Variants in MEGF9 observed in about 807,000 individuals in gnomAD.
MEGF9 encodes multiple EGF like domains 9, also known as multiple epidermal growth factor-like domains protein 9.
Under a neutral mutation model 46.8 loss-of-function variants are expected in MEGF9, and 6 were observed. The ratio of observed to expected loss-of-function variants is 0.13; its 90% CI spans 0.07 to 0.25. The LOEUF is 0.25. MEGF9 is among the 10% of genes least tolerant of loss of function. The pLI is 1.00. For missense variants in MEGF9, 683 were observed against 792.4 expected, an observed-to-expected ratio of 0.86 and a Z score of 1.66; for synonymous variants, 302 against 330.7, an observed-to-expected ratio of 0.91 and a Z score of 0.94.
chr9:120,712,829 A>G (rs980710306), intron 1 of MEGF9, among the ~76,000 whole-genome samples: 4 of 152,234 alleles, frequency 2.6e-5, no homozygotes, highest in Non-Finnish European at 5.9e-5. Context: ...GTTCTGACAA[A>G]GTAGGCTTTT....
intron 1 of MEGF9, among the ~76,000 whole-genome samples, chr9:120,670,078 T>A (rs2132327599): frequency 6.6e-6 from 1 of 152,294 alleles, no homozygotes; most frequent in Admixed American, 6.5e-5. Flanking sequence ...GATCATGTAC[T>A]CAAATACTTT....
chr9:120,694,065 T>C (rs1030633299), intron 1 of MEGF9, among the ~76,000 whole-genome samples: 1 of 152,132 alleles, frequency 6.6e-6, no homozygotes, highest in Admixed American at 6.5e-5. Context: ...ATATATGATA[T>C]GGACAGTAAA....
At chr9:120,679,163 GAC>G (rs2043786820) in intron 1 of MEGF9, among the ~76,000 whole-genome samples, 1 of 152,152 alleles carries the variant, frequency 6.6e-6, no homozygotes, top group African/African-American at 2.4e-5. Context: ...CTGCTATAAA[GAC>G]ACATGCACAC....
At chr9:120,686,886 A>G (rs1280430696) in intron 1 of MEGF9, among the ~76,000 whole-genome samples, 1 of 152,208 alleles carries the variant, frequency 6.6e-6, no homozygotes, top group East Asian at 1.9e-4. Context: ...CTTGGTTGGC[A>G]ATGGTAAACA....
intron 2 of MEGF9, among the ~76,000 whole-genome samples, chr9:120,653,378 A>T (rs2416761): frequency 0.92 from 137,428 of 149,140 alleles, 63,454 homozygotes; most frequent in East Asian, 0.99. Context: ...TATTTTATTT[A>T]TTTTTTTTTT....
At chr9:120,706,669 TA>T (rs1174275093) in intron 1 of MEGF9, among the ~76,000 whole-genome samples, 1 of 152,126 alleles carries the variant, frequency 6.6e-6, no homozygotes, top group Non-Finnish European at 1.5e-5. Flanking sequence ...ATCCCAACTC[TA>T]CTAAAAATAC....
intron 1 of MEGF9, among the ~76,000 whole-genome samples, chr9:120,671,441 C>A (rs1047739917): frequency 6.6e-6 from 1 of 152,122 alleles, no homozygotes; most frequent in Admixed American, 6.6e-5. Context: ...TGTTTTCAGA[C>A]ACTAATATGA....
intron 1 of MEGF9, among the ~76,000 whole-genome samples, chr9:120,701,956 T>C (rs532326423): frequency 3.8e-4 from 58 of 151,912 alleles, no homozygotes; most frequent in Middle Eastern, 3.4e-3. Context: ...GGCAGGCGAA[T>C]AGCGTGAACC....
intron 1 of MEGF9, among the ~76,000 whole-genome samples, chr9:120,671,596 T>A (rs968310074): frequency 6.6e-6 from 1 of 152,172 alleles, no homozygotes; most frequent in Non-Finnish European, 1.5e-5. Flanking sequence ...CCTATACCTA[T>A]TAAAGAAATA....
At chr9:120,697,467 C>T (rs1259863013) in intron 1 of MEGF9, among the ~76,000 whole-genome samples, 3 of 150,260 alleles carry the variant, frequency 2.0e-5, no homozygotes, top group African/African-American at 7.3e-5. Flanking sequence ...GCATCTTGGT[C>T]TAGAGTCCAT....
chr9:120,613,664 T>C (rs1004514788), intron 3 of MEGF9, among the ~76,000 whole-genome samples: 5 of 152,152 alleles, frequency 3.3e-5, no homozygotes, highest in African/African-American at 1.2e-4. Context: ...TCTACAGACA[T>C]GGAAGCAGCA....
At chr9:120,662,406 CT>C (rs1268461929) in intron 1 of MEGF9, among the ~76,000 whole-genome samples, 5 of 152,296 alleles carry the variant, frequency 3.3e-5, no homozygotes, top group East Asian at 1.9e-4. Context: ...TGTACTGCCC[CT>C]ATTATGAATC....
At chr9:120,669,510 C>T (rs1300856379) in intron 1 of MEGF9, among the ~76,000 whole-genome samples, 2 of 151,570 alleles carry the variant, frequency 1.3e-5, no homozygotes, top group African/African-American at 4.9e-5. Context: ...CACGTAAATA[C>T]TAGCCAAAAG....
chr9:120,618,399 T>A (rs1338304152), intron 3 of MEGF9, among the ~76,000 whole-genome samples: 1 of 152,158 alleles, frequency 6.6e-6, no homozygotes, highest in Non-Finnish European at 1.5e-5. Context: ...GTCAAGCTGC[T>A]CAGGTCAAGT....
intron 3 of MEGF9, among the ~76,000 whole-genome samples, chr9:120,620,519 A>G (rs1488901097): frequency 6.6e-6 from 1 of 152,248 alleles, no homozygotes; most frequent in Non-Finnish European, 1.5e-5. Context: ...AAACTGTGAA[A>G]AGTGCTATGA....
rs182074517 is a variant in MEGF9 at position 120,700,639 on chromosome 9, C to G, written c.601+13119G>C. ...ATATTGGAATGCAAGTCCTTCCCCC[C>G]CCGTTATTTCCAATAACCCTTCCCA... is the stretch of plus-strand genomic sequence containing the variant. On this transcript the variant is annotated intron_variant, in intron 1 of 5. Coordinates refer to ENST00000373930, the MANE Select transcript of MEGF9 (RefSeq NM_001080497.3). Among the ~76,000 whole-genome samples, 942 of 152,220 alleles carry G rather than the reference C, an allele frequency of 6.2e-3. 10 individuals carry two copies. Among genetic ancestry groups the G allele is most frequent in the Middle Eastern group, 0.034 (10 of 294 alleles).
Position 120,714,399 on chromosome 9 carries a change from G to A in MEGF9, c.-41C>T. On this transcript the variant is annotated 5_prime_UTR_variant, in exon 1 of 6. It introduces an in-frame stop codon into an upstream open reading frame of the 5' UTR. Coordinates refer to ENST00000373930, the MANE Select transcript of MEGF9 (RefSeq NM_001080497.3). ...GTTGGTCAGTCATCTTCTCCTCGTT[G>A]CAATCCGACCAAGGAAGCCTCCGCA... is the stretch of plus-strand genomic sequence containing the variant. 7.9e-7 allele frequency: 1 copy of A among 1,258,226 alleles called. No homozygotes were observed. 77.9% of individuals were successfully genotyped at this position (1,258,226 alleles called of 1,614,324 possible).
At chr9:120,634,446 CTTTTTTTTTTTTTTTTT>C (rs1158273579) in intron 2 of MEGF9, among the ~76,000 whole-genome samples, 1 of 46,908 alleles carries the variant, frequency 2.1e-5, no homozygotes, top group Non-Finnish European at 3.9e-5. Context: ...TGTGGAATAT[CTTTTTTTTTTTTTTTTT>C]TTTTTTTTTT....
intron 1 of MEGF9, among the ~76,000 whole-genome samples, chr9:120,672,037 TA>T (rs559647073): frequency 3.5e-4 from 54 of 152,278 alleles, no homozygotes; most frequent in Non-Finnish European, 6.9e-4. Context: ...GAAAAGATTT[TA>T]AAAAATTAAC....
Sources: gnomAD v4.1 joint callset for allele counts (sites outside exome capture counted in the v4.1 genomes callset) on GRCh38, gnomAD v4.1.1 for gene constraint, MANE v1.5 for transcripts, NCBI Gene and HGNC (gene_info 2026-07-23, HGNC 2026-07-21) for gene names.